The following IDNK variants were observed in gnomAD, a reference collection of about 807,000 sequenced individuals.
IDNK encodes the protein gluconokinase.
In IDNK, 9 loss-of-function variants were observed where a neutral mutation model predicts 13.0. The ratio of observed to expected loss-of-function variants is 0.69; its 90% CI spans 0.42 to 1.21. IDNK has a LOEUF of 1.21. Ranked by LOEUF, IDNK falls within the 50% of genes most tolerant of loss-of-function variation. The pLI is 0.00. For missense variants in IDNK, 210 were observed against 237.8 expected, an observed-to-expected ratio of 0.88 and a Z score of 0.77; for synonymous variants, 92 against 94.9, an observed-to-expected ratio of 0.97 and a Z score of 0.18.
At chr9:83,639,246 A>G (rs1407946081) in intron 3 of IDNK, among the ~76,000 whole-genome samples, 3 of 152,246 alleles carry the variant, frequency 2.0e-5, no homozygotes, top group Non-Finnish European at 4.4e-5. Flanking sequence ...AAATTACAGA[A>G]TATTAAGTAA....
At chr9:83,638,103 GA>G (rs962904275) in intron 3 of IDNK, among the ~76,000 whole-genome samples, 49 of 144,000 alleles carry the variant, frequency 3.4e-4, no homozygotes, top group South Asian at 4.4e-4. Context: ...TCCCACAAAG[GA>G]AAAAAAAAAA....
intron 1 of IDNK, among the ~76,000 whole-genome samples, chr9:83,624,149 A>T (rs1830781400): frequency 6.6e-6 from 1 of 152,226 alleles, no homozygotes; most frequent in South Asian, 2.1e-4. Context: ...TTGAACTGCA[A>T]TTGAAATAAA....
chr9:83,628,237 C>T (rs376824575), intron 2 of IDNK, 26 bp downstream of exon 2: 95 of 1,525,494 alleles, frequency 6.2e-5, no homozygotes, highest in East Asian at 3.7e-4. Context: ...TAATGCCTTC[C>T]GAGTGCTTGT....
At chr9:83,641,991 T>G (rs1273963103) in intron 4 of IDNK, among the ~76,000 whole-genome samples, 1 of 152,244 alleles carries the variant, frequency 6.6e-6, no homozygotes, top group East Asian at 1.9e-4. Context: ...AAGTGTCCAC[T>G]GATGCCACTT....
chr9:83,632,777 G>A (rs562168541), intron 3 of IDNK, among the ~76,000 whole-genome samples: 7 of 152,166 alleles, frequency 4.6e-5, no homozygotes, highest in African/African-American at 1.7e-4. Flanking sequence ...CTGTGTGTTT[G>A]ATTTTCATAA....
intron 3 of IDNK, among the ~76,000 whole-genome samples, chr9:83,635,529 ACCCAGCCTGC>A (rs1831139926): frequency 6.6e-6 from 1 of 152,190 alleles, no homozygotes; most frequent in Admixed American, 6.5e-5. Context: ...CTTCTTGCCT[ACCCAGCCTGC>A]CTGGGACAGA....
At chr9:83,631,873 C>T (rs550155915) in intron 3 of IDNK, among the ~76,000 whole-genome samples, 17 of 152,244 alleles carry the variant, frequency 1.1e-4, no homozygotes, top group African/African-American at 4.1e-4. Context: ...TGAGTCTCCC[C>T]TAGGTGCCCA....
At chr9:83,626,634 C>A in intron 1 of IDNK, 1 of 1,071,904 alleles carries the variant, frequency 9.3e-7, no homozygotes, top group Non-Finnish European at 1.3e-6. Context: ...CCGAGCTAGT[C>A]CCGAACTCCT....
At chr9:83,640,968 C>T (rs1234157470) in intron 3 of IDNK, among the ~76,000 whole-genome samples, 2 of 152,148 alleles carry the variant, frequency 1.3e-5, no homozygotes, top group Non-Finnish European at 2.9e-5. Flanking sequence ...TTTTCCAATG[C>T]ATTATGGCCA....
At chr9:83,642,210 A>G in intron 4 of IDNK, among the ~76,000 whole-genome samples, 1 of 152,156 alleles carries the variant, frequency 6.6e-6, no homozygotes, top group East Asian at 1.9e-4. Context: ...GGACGTGGAG[A>G]AGGATAAGGA....
chr9:83,640,514 G>A (rs1471263257), intron 3 of IDNK, among the ~76,000 whole-genome samples: 1 of 152,134 alleles, frequency 6.6e-6, no homozygotes, highest in Non-Finnish European at 1.5e-5. Context: ...GTGGTTGGGG[G>A]CATACGTATA....
At chr9:83,630,252 T>A (rs1408314704) in intron 3 of IDNK, among the ~76,000 whole-genome samples, 2 of 152,200 alleles carry the variant, frequency 1.3e-5, no homozygotes, top group Non-Finnish European at 2.9e-5. Flanking sequence ...AGGCCTTGAA[T>A]CATCACAGGT....
upstream of IDNK, chr9:83,623,131 G>A (rs1830743729): frequency 1.4e-6 from 2 of 1,406,432 alleles, no homozygotes; most frequent in South Asian, 3.2e-5. Context: ...GCCGGGGCCG[G>A]CGGGGCCCGG....
At chr9:83,634,153 A>AT (rs1189743577) in intron 3 of IDNK, among the ~76,000 whole-genome samples, 3 of 152,226 alleles carry the variant, frequency 2.0e-5, no homozygotes, top group Non-Finnish European at 4.4e-5. Context: ...TAATCATTTA[A>AT]TTATGATTCA....
chr9:83,635,021 C>T (rs943775010), intron 3 of IDNK, among the ~76,000 whole-genome samples: 4 of 152,098 alleles, frequency 2.6e-5, no homozygotes, highest in East Asian at 1.9e-4. Flanking sequence ...AATGGAGATT[C>T]GCAGCCCACG....
chr9:83,642,619 C>T (rs1831342859), intron 4 of IDNK, among the ~76,000 whole-genome samples: 1 of 150,716 alleles, frequency 6.6e-6, no homozygotes, highest in Non-Finnish European at 1.5e-5. Flanking sequence ...CTGAAGAGAA[C>T]TTTATACTGG....
chr9:83,632,148 A>G (rs769062927), intron 3 of IDNK, among the ~76,000 whole-genome samples: 3 of 152,206 alleles, frequency 2.0e-5, no homozygotes, highest in Admixed American at 6.5e-5. Context: ...GTCAGTATAT[A>G]ACATTCTATA....
At chr9:83,639,751 C>A (rs1235547135) in intron 3 of IDNK, among the ~76,000 whole-genome samples, 3 of 152,112 alleles carry the variant, frequency 2.0e-5, no homozygotes, top group Non-Finnish European at 4.4e-5. Context: ...GAAATTGTGA[C>A]TATTCTGGTG....
At chr9:83,641,476 C>A in intron 3 of IDNK, 72 bp from the exon 4 acceptor site, 2 of 1,522,710 alleles carry the variant, frequency 1.3e-6, no homozygotes, top group South Asian at 1.1e-5. Context: ...CATGATATAA[C>A]TGTTTCTCTA....
Sources: gnomAD v4.1 joint callset for allele counts (sites outside exome capture counted in the v4.1 genomes callset) on GRCh38, gnomAD v4.1.1 for gene constraint, MANE v1.5 for transcripts, NCBI Gene and HGNC (gene_info 2026-07-23, HGNC 2026-07-21) for gene names.